Variants in PCBP3 observed in about 807,000 individuals in gnomAD.
PCBP3 encodes the protein poly(rC) binding protein 3.
Under a neutral mutation model 52.7 loss-of-function variants are expected in PCBP3, and 25 were observed. That is an observed-to-expected ratio of 0.47 (90% CI 0.35 to 0.66). PCBP3 has a LOEUF of 0.66. Among genes scored for constraint, PCBP3 ranks in the 30% least tolerant of loss-of-function variants. PCBP3 has a pLI of 0.01. For missense variants in PCBP3, 391 were observed against 490.3 expected, an observed-to-expected ratio of 0.80 and a Z score of 1.91; for synonymous variants, 162 against 183.0, an observed-to-expected ratio of 0.89 and a Z score of 0.93.
At chr21:45,732,053 G>A (rs1376754848) in intron 2 of PCBP3, among the ~76,000 whole-genome samples, 1 of 151,868 alleles carries the variant, frequency 6.6e-6, no homozygotes, top group Non-Finnish European at 1.5e-5. Flanking sequence ...AATATTATTT[G>A]CAGTTCAGGT....
At chr21:45,874,505 CTT>C (rs551716964) in intron 5 of PCBP3, among the ~76,000 whole-genome samples, 11 of 133,970 alleles carry the variant, frequency 8.2e-5, no homozygotes, top group Non-Finnish European at 1.3e-4. Flanking sequence ...TTCTTCTTTT[CTT>C]TTTTTTTTTT....
chr21:45,696,650 G>A (rs989854606), intron 2 of PCBP3, among the ~76,000 whole-genome samples: 2 of 152,110 alleles, frequency 1.3e-5, no homozygotes, highest in Admixed American at 6.6e-5. Context: ...AATTAGCTGG[G>A]CATGGTGGCG....
chr21:45,706,239 G>A (rs554958922), intron 2 of PCBP3, among the ~76,000 whole-genome samples: 1 of 152,268 alleles, frequency 6.6e-6, no homozygotes, highest in African/African-American at 2.4e-5. Context: ...CAGGAAAGTC[G>A]AATCTCTTGG....
intron 4 of PCBP3, among the ~76,000 whole-genome samples, chr21:45,776,351 C>T (rs762711844): frequency 1.3e-5 from 2 of 151,996 alleles, no homozygotes; most frequent in African/African-American, 2.4e-5. Flanking sequence ...TCTAATGTTT[C>T]TTTGTTGATT....
At chr21:45,739,519 C>A (rs1377876852) in intron 3 of PCBP3, among the ~76,000 whole-genome samples, 1 of 145,812 alleles carries the variant, frequency 6.9e-6, no homozygotes, top group Non-Finnish European at 1.5e-5. Flanking sequence ...CCCTTCCCGT[C>A]CATGGTCTTC....
rs1456497333 is a variant in PCBP3, at chr21:45,904,123, C to T, written c.339+3010C>T. Reference sequence around the variant, plus strand: ...TGTCATGGGAAGCAGCCGTAACCTACGCTATTACGTAGGTTATGTAGGGCT... The same window carrying T: ...TGTCATGGGAAGCAGCCGTAACCTATGCTATTACGTAGGTTATGTAGGGCT... On this transcript the variant is annotated intron_variant, in intron 9 of 17. Coordinates refer to ENST00000681687, the MANE Select transcript of PCBP3 (RefSeq NM_001384156.1). This position sits in a 1 kb window ranked among gnomAD's most constrained non-coding sequence, Gnocchi z 4.8. 2.6e-5 allele frequency among the ~76,000 whole-genome samples: 4 copies of T among 152,144 alleles called. No individual in the cohort carries two copies. The highest frequency in any genetic ancestry group is 1.9e-4 in the East Asian group (1 of 5,196).
At chr21:45,820,791 G>A (rs1374856883) in intron 4 of PCBP3, among the ~76,000 whole-genome samples, 2 of 152,104 alleles carry the variant, frequency 1.3e-5, no homozygotes, top group East Asian at 1.9e-4. Flanking sequence ...CTTTTCTCCC[G>A]GTTTAGAAAT....
rs2095747757 is a variant in PCBP3, at chr21:45,893,723, A to G, written c.11-2485A>G. 1.3e-5 allele frequency: 13 copies of G among 984,612 alleles called. No individual in the cohort carries two copies. The South Asian group carries it at 5.2e-4, about 39-fold the overall frequency. 61.0% of individuals were successfully genotyped at this position (984,612 alleles called of 1,614,324 possible). A position where few individuals can be genotyped will look rare whatever the true frequency, so the allele number is the denominator to read the frequency against. On this transcript the variant is annotated intron_variant, in intron 5 of 17. Coordinates refer to ENST00000681687, the MANE Select transcript of PCBP3 (RefSeq NM_001384156.1). Reference sequence around the variant, plus strand: ...TGCTAAATCTCCAGCACTGGACGGGACAGAGGGAGGGACCTGGATGGACCA... The same window carrying G: ...TGCTAAATCTCCAGCACTGGACGGGGCAGAGGGAGGGACCTGGATGGACCA...
At position 45,643,816 on chromosome 21, in the gene PCBP3, G is replaced by T. The variant is rs929855743; in HGVS notation, c.-331G>T. 3.4e-5 allele frequency: 5 copies of T among 148,066 alleles called. No homozygotes were observed. The highest frequency in any genetic ancestry group is 9.8e-5 in the African/African-American group (4 of 40,854). The allele number at this position is 148,066 out of a possible 1,614,324, so 9.2% of individuals were successfully genotyped here. A position where few individuals can be genotyped will look rare whatever the true frequency, so the allele number is the denominator to read the frequency against. On this transcript the variant is annotated 5_prime_UTR_variant, in exon 1 of 18. Coordinates refer to ENST00000681687, the MANE Select transcript of PCBP3 (RefSeq NM_001384156.1). ...CCCGCCTCGCCCCGACCCCGCCCGG[G>T]CCTCCCGGCCTCTCCCCGCCGGCCC...
chr21:45,688,171 A>C (rs940571287), intron 2 of PCBP3, among the ~76,000 whole-genome samples: 9 of 152,272 alleles, frequency 5.9e-5, no homozygotes, highest in African/African-American at 1.7e-4. Context: ...CCTGTACTAA[A>C]GCAAGTAGAC....
chr21:45,868,579 G>A (rs1393032258), intron 5 of PCBP3, among the ~76,000 whole-genome samples: 1 of 152,104 alleles, frequency 6.6e-6, no homozygotes, highest in Admixed American at 6.5e-5. Context: ...CGTGGGTCTC[G>A]GGGTCCCCAT....
chr21:45,907,061 C>T (rs534038986), intron 9 of PCBP3, among the ~76,000 whole-genome samples: 130 of 152,360 alleles, frequency 8.5e-4, no homozygotes, highest in African/African-American at 3.0e-3. Context: ...AGGCGGAGGC[C>T]GGCCGCCCGT....
chr21:45,866,779 C>G (rs1184339397), intron 5 of PCBP3, among the ~76,000 whole-genome samples: 1 of 152,166 alleles, frequency 6.6e-6, no homozygotes, highest in East Asian at 1.9e-4. Flanking sequence ...GCACCCCCTC[C>G]CCTCTCCTCT....
chr21:45,875,598 C>G (rs1254107553), intron 5 of PCBP3, among the ~76,000 whole-genome samples: 1 of 152,200 alleles, frequency 6.6e-6, no homozygotes, highest in Non-Finnish European at 1.5e-5. Flanking sequence ...ACCAGCTTCC[C>G]CCAGGGGTCT....
chr21:45,905,784 G>C (rs2096188358), intron 9 of PCBP3, among the ~76,000 whole-genome samples: 1 of 152,132 alleles, frequency 6.6e-6, no homozygotes. Flanking sequence ...TTTTACCTTA[G>C]TTACCTCTGT....
At chr21:45,649,467 G>A (rs929802424) in intron 1 of PCBP3, among the ~76,000 whole-genome samples, 1 of 152,148 alleles carries the variant, frequency 6.6e-6, no homozygotes, top group Non-Finnish European at 1.5e-5. Flanking sequence ...ATGAGATAGA[G>A]ATCCAATTTT....
At chr21:45,799,533 CCA>C (rs1341520666) in intron 4 of PCBP3, among the ~76,000 whole-genome samples, 3 of 152,150 alleles carry the variant, frequency 2.0e-5, no homozygotes, top group African/African-American at 4.8e-5. Flanking sequence ...TTCCAGGTAG[CCA>C]CTGAGAGTCT....
At chr21:45,729,986 A>G (rs1295943126) in intron 2 of PCBP3, among the ~76,000 whole-genome samples, 1 of 151,846 alleles carries the variant, frequency 6.6e-6, no homozygotes, top group Non-Finnish European at 1.5e-5. Context: ...CTGGTCTCAA[A>G]CTCCTGGCTT....
chr21:45,745,587 A>G (rs1345682291), intron 3 of PCBP3, among the ~76,000 whole-genome samples: 4 of 152,246 alleles, frequency 2.6e-5, no homozygotes, highest in Non-Finnish European at 5.9e-5. Flanking sequence ...GGCCCAAGTT[A>G]TGCTGACGTG....
Sources: gnomAD v4.1 joint callset for allele counts (sites outside exome capture counted in the v4.1 genomes callset) on GRCh38, gnomAD v4.1.1 for gene constraint, Gnocchi (gnomAD v3.1) non-coding constraint, MANE v1.5 for transcripts, NCBI Gene and HGNC (gene_info 2026-07-23, HGNC 2026-07-21) for gene names.